The following PRDM6 variants were observed in gnomAD, a reference collection of about 807,000 sequenced individuals.
PRDM6 encodes putative histone-lysine N-methyltransferase PRDM6.
A neutral mutation model predicts 60.8 loss-of-function variants in PRDM6; 25 were observed. The observed-to-expected ratio is 0.41, with a 90% CI of 0.30 to 0.57. The LOEUF is 0.57. Among genes scored for constraint, PRDM6 ranks in the 20% least tolerant of loss-of-function variants. PRDM6 has a pLI of 0.27. For missense variants in PRDM6, 839 were observed against 821.3 expected, an observed-to-expected ratio of 1.02 and a Z score of -0.26; for synonymous variants, 407 against 357.4, an observed-to-expected ratio of 1.14 and a Z score of -1.57.
At chr5:123,149,244 T>C (rs1765321282) in intron 3 of PRDM6, among the ~76,000 whole-genome samples, 1 of 152,196 alleles carries the variant, frequency 6.6e-6, no homozygotes, top group Admixed American at 6.6e-5. Context: ...TTTTCCTCTC[T>C]AGACTGGGGA....
chr5:123,144,161 C>T (rs1193063340), intron 3 of PRDM6, among the ~76,000 whole-genome samples: 4 of 152,168 alleles, frequency 2.6e-5, no homozygotes, highest in African/African-American at 4.8e-5. Context: ...CAGAATCCCT[C>T]GCCTTCTCCT....
At chr5:123,160,800 G>A (rs1765613145) in intron 5 of PRDM6, among the ~76,000 whole-genome samples, 1 of 152,170 alleles carries the variant, frequency 6.6e-6, no homozygotes, top group Admixed American at 6.5e-5. Flanking sequence ...ACATTCCTCT[G>A]ATTTTGCAAG....
At chr5:123,144,338 T>C (rs1300981419) in intron 3 of PRDM6, among the ~76,000 whole-genome samples, 1 of 152,218 alleles carries the variant, frequency 6.6e-6, no homozygotes, top group Non-Finnish European at 1.5e-5. Context: ...CATTTTCGAA[T>C]TCCTTTAAAA....
chr5:123,129,298 G>A (rs757263175), intron 3 of PRDM6, among the ~76,000 whole-genome samples: 1 of 152,162 alleles, frequency 6.6e-6, no homozygotes, highest in Non-Finnish European at 1.5e-5. Context: ...ATTTTGTGAA[G>A]AAAGTCATTG....
intron 3 of PRDM6, among the ~76,000 whole-genome samples, chr5:123,115,292 G>T (rs1248786959): frequency 6.6e-6 from 1 of 152,130 alleles, no homozygotes; most frequent in Non-Finnish European, 1.5e-5. Flanking sequence ...TTGCATCTGT[G>T]AACCATGGGG....
At chr5:123,153,801 G>T (rs1185929510) in intron 3 of PRDM6, among the ~76,000 whole-genome samples, 1 of 152,194 alleles carries the variant, frequency 6.6e-6, no homozygotes, top group Non-Finnish European at 1.5e-5. Flanking sequence ...CAACGGTTAA[G>T]ACAGCCCCCA....
chr5:123,115,435 C>T (rs1764413533), intron 3 of PRDM6, among the ~76,000 whole-genome samples: 1 of 152,174 alleles, frequency 6.6e-6, no homozygotes, highest in East Asian at 1.9e-4. Context: ...GCTAGCCACA[C>T]ATGGGTGCAG....
chr5:123,116,066 C>G (rs1209451435), intron 3 of PRDM6, among the ~76,000 whole-genome samples: 2 of 152,134 alleles, frequency 1.3e-5, no homozygotes, highest in African/African-American at 4.8e-5. Context: ...TGTTGCTGTG[C>G]CCTCTCAAAT....
chr5:123,103,581 G>A (rs73796826), intron 3 of PRDM6, among the ~76,000 whole-genome samples: 2,961 of 152,022 alleles, frequency 0.019, 87 homozygotes, highest in African/African-American at 0.068. Context: ...GAAGTGAAAA[G>A]GCACATTTGA....
At chr5:123,178,669 C>T (rs17391210) in intron 6 of PRDM6, among the ~76,000 whole-genome samples, 6,649 of 152,216 alleles carry the variant, frequency 0.044, 177 homozygotes, top group Non-Finnish European at 0.064. Flanking sequence ...TTGACCAATC[C>T]TTGGCTATTA....
chr5:123,159,756 A>G, intron 5 of PRDM6, 118 bp downstream of exon 5: 2 of 978,474 alleles, frequency 2.0e-6, no homozygotes, highest in South Asian at 1.6e-5. Flanking sequence ...TAACACAAAC[A>G]TATACAAGTC....
intron 3 of PRDM6, among the ~76,000 whole-genome samples, chr5:123,132,867 C>G (rs1764863306): frequency 6.6e-6 from 1 of 151,742 alleles, no homozygotes; most frequent in Non-Finnish European, 1.5e-5. Context: ...TCCTATTTTG[C>G]CAGGATGTAG....
intron 3 of PRDM6, among the ~76,000 whole-genome samples, chr5:123,114,581 T>A (rs1412558979): frequency 6.6e-6 from 1 of 152,208 alleles, no homozygotes; most frequent in Admixed American, 6.5e-5. Flanking sequence ...AAAAAATTAA[T>A]TTTTTTAAAT....
At chr5:123,174,777 A>G (rs1360647411) in intron 6 of PRDM6, among the ~76,000 whole-genome samples, 2 of 150,090 alleles carry the variant, frequency 1.3e-5, no homozygotes, top group Non-Finnish European at 3.0e-5. Flanking sequence ...TTTAACACAG[A>G]AAAAAAAAAT....
rs75388024 is a variant in PRDM6, at chr5:123,099,837, C to T, written c.776C>T (p.Ala259Val). The T allele has an allele frequency of 6.4e-6, 10 of 1,550,422 alleles. No individual in the cohort carries two copies. In the East Asian group the frequency reaches 1.5e-4, roughly 23 times the overall value. The change falls in exon 3 of 8, where the codon GCC becomes GTC. Residue 259 changes from alanine to valine, a missense_variant. Ala to Val is a moderately conservative substitution (Grantham distance 64). Coordinates refer to ENST00000407847, the MANE Select transcript of PRDM6 (RefSeq NM_001136239.4). This position sits in a 1 kb window ranked among gnomAD's most constrained non-coding sequence, Gnocchi z 4.0. ...TGCACCAGTACTGTGCCCGGCCTGGCCTACGGCATCTGCGCGGCGCAGAGG... is the reference window on the plus strand; with the variant it reads ...TGCACCAGTACTGTGCCCGGCCTGGTCTACGGCATCTGCGCGGCGCAGAGG... ...CLCTSTVPGL[A>V]YGICAAQRIQ...
chr5:123,142,761 G>A (rs971665877), intron 3 of PRDM6, among the ~76,000 whole-genome samples: 1 of 150,730 alleles, frequency 6.6e-6, no homozygotes, highest in Non-Finnish European at 1.5e-5. Flanking sequence ...CCAACCAAAG[G>A]ATTCTATTTC....
chr5:123,101,378 T>G (rs1475454291), intron 3 of PRDM6, among the ~76,000 whole-genome samples: 1 of 152,162 alleles, frequency 6.6e-6, no homozygotes, highest in African/African-American at 2.4e-5. Flanking sequence ...CTACCTACCC[T>G]ATAGTTATCT....
intron 3 of PRDM6, among the ~76,000 whole-genome samples, chr5:123,123,136 T>A (rs1764616787): frequency 6.6e-6 from 1 of 152,238 alleles, no homozygotes; most frequent in African/African-American, 2.4e-5. Flanking sequence ...CAGTTTACAC[T>A]CCCCTGATAG....
chr5:123,177,686 AT>A (rs1766048852), intron 6 of PRDM6, among the ~76,000 whole-genome samples: 1 of 152,178 alleles, frequency 6.6e-6, no homozygotes, highest in Admixed American at 6.5e-5. Context: ...TAGAGATCAT[AT>A]TGGTGATGCT....
Sources: gnomAD v4.1 joint callset for allele counts (sites outside exome capture counted in the v4.1 genomes callset) on GRCh38, gnomAD v4.1.1 for gene constraint, Gnocchi (gnomAD v3.1) non-coding constraint, MANE v1.5 for transcripts, NCBI Gene and HGNC (gene_info 2026-07-23, HGNC 2026-07-21) for gene names.